Variants in ZNF485 observed in about 807,000 individuals in gnomAD.
The protein encoded by ZNF485 is zinc finger protein 485, also known as Zinc finger protein 93 (Zinc finger protein HTF34).
A neutral mutation model predicts 10.8 loss-of-function variants in ZNF485; 9 were observed. The ratio of observed to expected loss-of-function variants is 0.83; its 90% confidence interval spans 0.50 to 1.45. The LOEUF is 1.45. Among genes scored for constraint, ZNF485 ranks in the 40% most tolerant of loss-of-function variants. ZNF485 has a pLI of 0.00. For missense variants in ZNF485, 487 were observed against 528.0 expected, an observed-to-expected ratio of 0.92 and a Z score of 0.76; for synonymous variants, 187 against 181.0, an observed-to-expected ratio of 1.03 and a Z score of -0.27.
At chr10:43,606,947 C>A in intron 1 of ZNF485, 50 bp from the exon 2 acceptor site, 1 of 1,465,112 alleles carries the variant, frequency 6.8e-7, no homozygotes, top group Non-Finnish European at 9.4e-7. Context: ...CAGATTCTAG[C>A]TAGGCTAGGG....
chr10:43,612,380 CA>C (rs1373387017), intron 4 of ZNF485, among the ~76,000 whole-genome samples: 6 of 151,972 alleles, frequency 3.9e-5, no homozygotes, highest in East Asian at 1.9e-4. Flanking sequence ...TTTCATAAAA[CA>C]TTTTTTTGGT....
At chr10:43,612,347 C>T (rs1838783622) in intron 4 of ZNF485, among the ~76,000 whole-genome samples, 2 of 152,084 alleles carry the variant, frequency 1.3e-5, no homozygotes, top group South Asian at 2.1e-4. Context: ...TTTCATTGGG[C>T]TTTGATTTTA....
chr10:43,615,616 G>A (rs1838842786), intron 4 of ZNF485, among the ~76,000 whole-genome samples: 1 of 152,140 alleles, frequency 6.6e-6, no homozygotes, highest in Non-Finnish European at 1.5e-5. Context: ...TGGCCAGGCT[G>A]GGCTCGAACT....
At position 43,617,164 on chromosome 10, in the gene ZNF485, G is replaced by T. The variant is rs752003650; in HGVS notation, c.1121G>T (p.Arg374Ile). The change falls in exon 5 of 5, where the codon AGA becomes ATA. Residue 374 changes from arginine (R) to isoleucine (I), a missense_variant. By Grantham distance (97) the Arg-to-Ile change is moderately conservative (BLOSUM62 -3). Coordinates refer to ENST00000361807, the MANE Select transcript of ZNF485 (RefSeq NM_145312.4). ...AGCTCAACCCTTACTGGACATCAGA[G>T]AATTCATACTGGAGAAAAACCCTAT... ...TKSSTLTGHQ[R>I]IHTGEKPYHC... 1.2e-6 allele frequency: 2 copies of T among 1,614,174 alleles called. No homozygotes were observed. The highest frequency in any genetic ancestry group is 1.7e-6 in the Non-Finnish European group (2 of 1,180,032).
intron 4 of ZNF485, among the ~76,000 whole-genome samples, chr10:43,610,886 T>G (rs1449167411): frequency 1.3e-5 from 2 of 152,204 alleles, no homozygotes; most frequent in East Asian, 3.8e-4. Flanking sequence ...CTTGTGGAGA[T>G]TTGTAGGTGT....
Position 43,617,524 on chromosome 10 carries a change from G to A in ZNF485, c.*155G>A. The stretch of plus-strand genomic sequence containing the variant: ...AGGTTCTACTAGTGAAATATTTGAA[G>A]AAACTAAATGTATGTCAGTATGGAA... On this transcript the variant is annotated 3_prime_UTR_variant, in exon 5 of 5. Transcript: ENST00000361807. The A allele has an allele frequency of 1.7e-6, 1 of 599,968 alleles. No homozygotes were observed. Among genetic ancestry groups the A allele is most frequent in the Non-Finnish European group, 2.8e-6 (1 of 352,626 alleles). The allele number at this position is 599,968 out of a possible 1,614,324, so 37.2% of individuals were successfully genotyped here.
In ZNF485 at chr10:43,617,000, G is replaced by A. The variant is rs775470933; in HGVS notation, c.957G>A (p.Met319Ile). The change falls in exon 5 of 5, where the codon ATG (methionine) becomes ATA (isoleucine). Residue 319 changes from methionine to isoleucine, a missense_variant. Physicochemically the swap from Met to Ile is conservative, Grantham distance 10. Coordinates refer to ENST00000361807, the MANE Select transcript of ZNF485 (RefSeq NM_145312.4). Reference sequence around the variant, plus strand: ...CAACTCTTATTAGTCACCAAAGAATGCATACTGGGGAGAAACCCTATCACT... The same window carrying A: ...CAACTCTTATTAGTCACCAAAGAATACATACTGGGGAGAAACCCTATCACT... Reference protein sequence around the residue: ...KSSTLISHQRMHTGEKPYHCS... With the variant: ...KSSTLISHQRIHTGEKPYHCS... 1.2e-6 allele frequency: 2 copies of A among 1,614,070 alleles called. No homozygotes were observed. The highest frequency in any genetic ancestry group is 1.1e-5 in the South Asian group (1 of 91,082).
rs753090584 is a variant in ZNF485 at position 43,617,370 on chromosome 10, T to G, written c.*1T>G. 1 of 1,533,560 alleles carries G rather than the reference T, an allele frequency of 6.5e-7. No individual in the cohort carries two copies. Among genetic ancestry groups the G allele is most frequent in the East Asian group, 2.3e-5 (1 of 44,362 alleles). 95.0% of individuals were successfully genotyped at this position (1,533,560 alleles called of 1,614,324 possible). On this transcript the variant is annotated 3_prime_UTR_variant, in exon 5 of 5. Coordinates refer to ENST00000361807, the MANE Select transcript of ZNF485 (RefSeq NM_145312.4). ...AGAAAGAGCCATGAAATGTAGTTAG[T>G]GTGGCAAATTGTGCAGAGTAGTTTA...
intron 3 of ZNF485, 124 bp downstream of exon 3, chr10:43,608,864 A>G: frequency 1.5e-6 from 2 of 1,346,606 alleles, no homozygotes; most frequent in Non-Finnish European, 2.0e-6. Flanking sequence ...GTTTTTCTTA[A>G]GTATGGGCTT....
intron 4 of ZNF485, among the ~76,000 whole-genome samples, chr10:43,615,800 C>A (rs1838847023): frequency 6.6e-6 from 1 of 152,024 alleles, no homozygotes; most frequent in African/African-American, 2.4e-5. Context: ...TTTCTGTTTT[C>A]TTTTTTCCAC....
chr10:43,611,792 T>C (rs1441469637), intron 4 of ZNF485, among the ~76,000 whole-genome samples: 1 of 152,256 alleles, frequency 6.6e-6, no homozygotes, highest in East Asian at 1.9e-4. Flanking sequence ...TGTATTTATC[T>C]TTCCTGAGAA....
intron 4 of ZNF485, among the ~76,000 whole-genome samples, chr10:43,612,502 G>T (rs770424236): frequency 2.0e-5 from 3 of 152,166 alleles, no homozygotes; most frequent in Non-Finnish European, 4.4e-5. Flanking sequence ...GAGCAGAGGG[G>T]AGGAATTGGG....
chr10:43,616,224 C>T, intron 4 of ZNF485, 67 bp from the exon 5 acceptor site: 1 of 1,296,776 alleles, frequency 7.7e-7, no homozygotes, highest in Non-Finnish European at 1.1e-6. Context: ...TATTCAAGTC[C>T]TTGCACAACT....
chr10:43,609,311 T>C lies in ZNF485; in HGVS notation c.208T>C (p.Trp70Arg), dbSNP rs374485324. Residue 70 changes from tryptophan (W) to arginine (R), a missense_variant, in exon 4 of 5, where the codon TGG becomes CGG. Coordinates refer to ENST00000361807, the MANE Select transcript of ZNF485 (RefSeq NM_145312.4). ...TCAGTTGGAGCAAGGGGCAGAGCCC[T>C]GGACTGAGGTGCGAGAGGCTCCATC... ...ITQLEQGAEPWTEVREAPSGT... is the reference protein window; with the variant it reads ...ITQLEQGAEPRTEVREAPSGT... The C allele has an allele frequency of 3.1e-6, 5 of 1,613,900 alleles. No homozygotes were observed. The highest frequency in any genetic ancestry group is 4.2e-6 in the Non-Finnish European group (5 of 1,179,938).
At chr10:43,613,321 C>T (rs1409241734) in intron 4 of ZNF485, among the ~76,000 whole-genome samples, 6 of 152,212 alleles carry the variant, frequency 3.9e-5, no homozygotes, top group Non-Finnish European at 2.9e-5. Context: ...TTTTTAACTT[C>T]ATGTGAATGG....
intron 4 of ZNF485, among the ~76,000 whole-genome samples, chr10:43,613,859 T>G (rs1280574880): frequency 6.6e-6 from 1 of 152,160 alleles, no homozygotes; most frequent in Non-Finnish European, 1.5e-5. Context: ...GTCATTCTGG[T>G]GGATGTTCTG....
chr10:43,606,650 A>C, intron 1 of ZNF485, 104 bp downstream of exon 1: 1 of 306,878 alleles, frequency 3.3e-6, no homozygotes, highest in East Asian at 7.4e-5. Flanking sequence ...CCGGGGTGGG[A>C]GGGGAAGGCG....
Position 43,609,256 on chromosome 10 carries a change from G to T in ZNF485, c.153G>T (p.Gly51=). The T allele has an allele frequency of 1.2e-6, 2 of 1,612,478 alleles. No homozygotes were observed. Among genetic ancestry groups the T allele is most frequent in the Non-Finnish European group, 1.7e-6 (2 of 1,178,992 alleles). The stretch of plus-strand genomic sequence containing the variant: ...AAGATCCTTTTTCTTTATGAACAGG[G>T]CTTCTCTCTTCCAAACCAAAACTAA... ...LENYGNLVSV[G]LLSSKPKLIT... The change falls in exon 4 of 5, where the codon GGG becomes GGT. Residue 51 remains glycine (G), a splice_region_variant and synonymous_variant. Transcript: ENST00000361807.
intron 4 of ZNF485, among the ~76,000 whole-genome samples, chr10:43,615,534 T>G (rs1056586201): frequency 3.3e-5 from 5 of 152,028 alleles, no homozygotes; most frequent in Non-Finnish European, 7.4e-5. Context: ...CCCGAGTAGC[T>G]GGGATTAAAG....
Sources: gnomAD v4.1 joint callset for allele counts (sites outside exome capture counted in the v4.1 genomes callset) on GRCh38, gnomAD v4.1.1 for gene constraint, MANE v1.5 for transcripts, NCBI Gene and HGNC (gene_info 2026-07-23, HGNC 2026-07-21) for gene names.